TMEM260: variants seen among roughly 807,000 people sequenced by gnomAD.
TMEM260 encodes protein O-mannosyl-transferase TMEM260.
Under a neutral mutation model 88.9 loss-of-function variants are expected in TMEM260, and 82 were observed. That is an observed-to-expected ratio of 0.92 (90% CI 0.77 to 1.11). The LOEUF (loss-of-function observed/expected upper bound fraction) is 1.11. Among genes scored for constraint, TMEM260 ranks in the 50% least tolerant of loss-of-function variants. The probability of loss-of-function intolerance (pLI) is 0.00; values close to 1 mark genes in which losing one functional copy is unlikely to be tolerated. For missense variants in TMEM260, 902 were observed against 853.4 expected (o/e 1.06, Z -0.71); for synonymous variants, 314 against 309.3 (o/e 1.02, Z -0.16).
chr14:56,648,415 T>G lies in TMEM260; in HGVS notation c.*918T>G, dbSNP rs1458734691. 1 of 152,682 alleles carries G rather than the reference T, an allele frequency of 6.5e-6. No homozygotes were observed. Among genetic ancestry groups the G allele is most frequent in the African/African-American group, 2.4e-5 (1 of 41,468 alleles). 9.5% of individuals were successfully genotyped at this position (152,682 alleles called of 1,614,324 possible). ...ATTAATAGCAACCTGTTTTAATGAA[T>G]AAAGTCACTCAGAGTCCTTCAGCAC... On this transcript the variant is annotated 3_prime_UTR_variant, in exon 16 of 16. Transcript: ENST00000261556.
At chr14:56,598,877 T>C (rs897741678) in intron 3 of TMEM260, among the ~76,000 whole-genome samples, 1 of 152,210 alleles carries the variant, frequency 6.6e-6, no homozygotes, top group African/African-American at 2.4e-5. Context: ...TGGCAGACTT[T>C]CAGGACAAAT....
At chr14:56,616,521 A>G (rs1290911316) in intron 8 of TMEM260, among the ~76,000 whole-genome samples, 1 of 152,076 alleles carries the variant, frequency 6.6e-6, no homozygotes, top group East Asian at 1.9e-4. Flanking sequence ...ACATTTTCTC[A>G]TACTATAAAA....
At chr14:56,608,673 A>G (rs901616030) in intron 5 of TMEM260, among the ~76,000 whole-genome samples, 59 of 146,888 alleles carry the variant, frequency 4.0e-4, no homozygotes, top group African/African-American at 1.4e-3. Flanking sequence ...ATAGTAATAT[A>G]TATAGTTGAA....
Position 56,614,250 on chromosome 14 carries a change from T to G in TMEM260, c.858-1694T>G, listed in dbSNP as rs1442647442. ...AAAAAAAAAAAAAGGCATGGTGGCA[T>G]GCACCTGTAGTTGCAGCTACTCAGG... On this transcript the variant is annotated intron_variant, in intron 7 of 15. Transcript: ENST00000261556. Among the ~76,000 whole-genome samples the G allele has an allele frequency of 5.0e-5, 7 of 141,102 alleles. No individual in the cohort carries two copies. In the Admixed American group the frequency reaches 5.0e-4, roughly 10 times the overall value. The allele number at this position is 141,102 out of a possible 152,430, so 92.6% of individuals were successfully genotyped here.
chr14:56,623,827 A>G (rs1029191608), intron 11 of TMEM260, among the ~76,000 whole-genome samples: 1 of 152,216 alleles, frequency 6.6e-6, no homozygotes, highest in African/African-American at 2.4e-5. Flanking sequence ...TTTGCTGGGT[A>G]ATGTCTTACA....
At chr14:56,607,443 T>C (rs1886981581) in intron 5 of TMEM260, among the ~76,000 whole-genome samples, 1 of 152,190 alleles carries the variant, frequency 6.6e-6, no homozygotes. Flanking sequence ...TGACTCTTTA[T>C]TTCCCATTAG....
Position 56,618,744 on chromosome 14 carries a change from C to G in TMEM260, c.1207C>G (p.Gln403Glu). ...TTCTGCAACTCTTTTTGTAGTTTAC[C>G]AAATATATTCTAATTACAGGTAATA... ...WLSATLFVVY[Q>E]IYSNYSVCDQ... The change falls in exon 10 of 16, where the codon CAA (glutamine) becomes GAA (glutamate). Residue 403 changes from glutamine (Q) to glutamate (E), a missense_variant. Coordinates refer to ENST00000261556, the MANE Select transcript of TMEM260 (RefSeq NM_017799.4). 1 of 1,613,932 alleles carries G rather than the reference C, an allele frequency of 6.2e-7. No individual in the cohort carries two copies. Among genetic ancestry groups the G allele is most frequent in the Non-Finnish European group, 8.5e-7 (1 of 1,179,930 alleles).
the TMEM260 span, among the ~76,000 whole-genome samples, chr14:56,660,146 G>A: frequency 1.3e-5 from 2 of 152,158 alleles, no homozygotes; most frequent in African/African-American, 4.8e-5. Context: ...ATCCAGTAGA[G>A]GGCATAGCAG....
Position 56,643,117 on chromosome 14 carries a change from G to T in TMEM260, c.1870-4126G>T, listed in dbSNP as rs199794677. On this transcript the variant is annotated intron_variant, in intron 15 of 15. Transcript: ENST00000261556. ...GAACTGGTACCATTCCTTCTGAAACGATTCCAATCAATAGAAAAAGAGGGA... is the reference window on the plus strand; with the variant it reads ...GAACTGGTACCATTCCTTCTGAAACTATTCCAATCAATAGAAAAAGAGGGA... Among the ~76,000 whole-genome samples, 1,234 of 152,180 alleles carry T rather than the reference G, an allele frequency of 8.1e-3. 22 individuals are homozygous for T. Among genetic ancestry groups the T allele is most frequent in the South Asian group, 0.072 (347 of 4,808 alleles).
At chr14:56,643,582 C>G (rs376769046) in intron 15 of TMEM260, among the ~76,000 whole-genome samples, 6,515 of 152,150 alleles carry the variant, frequency 0.043, 217 homozygotes, top group East Asian at 0.1. Context: ...TGGAAACATT[C>G]CCTTTGAAAA....
At chr14:56,643,660 G>C (rs1452233056) in intron 15 of TMEM260, among the ~76,000 whole-genome samples, 1 of 152,120 alleles carries the variant, frequency 6.6e-6, no homozygotes, top group Non-Finnish European at 1.5e-5. Flanking sequence ...TTCTGGCCAG[G>C]GCAGTCAGGC....
chr14:56,631,138 G>T (rs1888565512), intron 12 of TMEM260, among the ~76,000 whole-genome samples: 1 of 152,110 alleles, frequency 6.6e-6, no homozygotes, highest in Non-Finnish European at 1.5e-5. Context: ...AAGCAGAAAT[G>T]AAAGGAAGGA....
intron 3 of TMEM260, among the ~76,000 whole-genome samples, chr14:56,587,769 C>T (rs560799490): frequency 5.1e-4 from 78 of 152,076 alleles, no homozygotes; most frequent in African/African-American, 1.7e-3. Context: ...ACAAGGTACA[C>T]GTCCTTTGGG....
At position 56,609,246 on chromosome 14, in the gene TMEM260, G is replaced by T. The variant is rs2139567181; in HGVS notation, c.777G>T (p.Leu259Phe). 1 of 1,614,040 alleles carries T rather than the reference G, an allele frequency of 6.2e-7. No homozygotes were observed. The highest frequency in any genetic ancestry group is 1.1e-5 in the South Asian group (1 of 91,058). Residue 259 changes from leucine to phenylalanine, a missense_variant, in exon 6 of 16, where the codon TTG becomes TTT. Leu to Phe is a conservative substitution (Grantham distance 22, BLOSUM62 0). Coordinates refer to ENST00000261556, the MANE Select transcript of TMEM260 (RefSeq NM_017799.4). Reference protein sequence around the residue: ...WGDQTTLQGFLTHFLREEYGT... With the variant: ...WGDQTTLQGFFTHFLREEYGT... ...ACCAGACAACACTGCAAGGATTTTT[G>T]ACACATTTTCTCAGGGAAGAATATG...
intron 5 of TMEM260, 46 bp from the exon 6 acceptor site, chr14:56,609,060 C>T (rs1002170459): frequency 6.4e-6 from 10 of 1,573,594 alleles, no homozygotes; most frequent in Non-Finnish European, 8.7e-6. Context: ...CGAGATGAAT[C>T]TACTAAAATA....
intron 5 of TMEM260, among the ~76,000 whole-genome samples, chr14:56,607,132 C>G (rs1429446623): frequency 6.6e-6 from 1 of 152,110 alleles, no homozygotes; most frequent in Non-Finnish European, 1.5e-5. Flanking sequence ...CGAAATATAA[C>G]TCAGTGAAGC....
In TMEM260 at chr14:56,603,947, T is replaced by G. The variant is rs756877934; in HGVS notation, c.477T>G (p.Leu159=). The G allele has an allele frequency of 1.6e-5, 25 of 1,602,520 alleles. No individual in the cohort carries two copies. The highest frequency in any genetic ancestry group is 1.8e-5 in the Non-Finnish European group (21 of 1,176,446). The change falls in exon 4 of 16, where the codon CTT becomes CTG. Residue 159 remains leucine (L), a synonymous_variant. Coordinates refer to ENST00000261556, the MANE Select transcript of TMEM260 (RefSeq NM_017799.4). ...TCTTTGTGGGGCTGCTTATGGCTCT[T>G]ACTGTACATTTTGAGGAAGCAGCAA... ...NNLFVGLLMA[L]TVHFEEAATA...
At chr14:56,584,247 T>C (rs989087981) in intron 1 of TMEM260, among the ~76,000 whole-genome samples, 51 of 152,230 alleles carry the variant, frequency 3.4e-4, no homozygotes, top group African/African-American at 1.2e-3. Context: ...CTAGTAACTT[T>C]CATGAGTCAT....
chr14:56,649,669 TTAG>T (rs775705559), downstream of TMEM260, among the ~76,000 whole-genome samples: 55 of 152,166 alleles, frequency 3.6e-4, no homozygotes, highest in African/African-American at 1.3e-3. Context: ...ATATTTCCTA[TTAG>T]TAGCCTTAAG....
Sources: gnomAD v4.1 joint callset for allele counts (sites outside exome capture counted in the v4.1 genomes callset) on GRCh38, gnomAD v4.1.1 for gene constraint, MANE v1.5 for transcripts, NCBI Gene and HGNC (gene_info 2026-07-23, HGNC 2026-07-21) for gene names.